Variants in TMEM178B observed in about 807,000 individuals in gnomAD.
TMEM178B encodes transmembrane protein 178B.
A neutral mutation model predicts 31.0 loss-of-function variants in TMEM178B; 5 were observed. The observed-to-expected ratio is 0.16, with a 90% CI of 0.08 to 0.34. The LOEUF (loss-of-function observed/expected upper bound fraction) is 0.34. Among genes scored for constraint, TMEM178B ranks in the 10% least tolerant of loss-of-function variants. The pLI is 1.00. For missense variants in TMEM178B, 275 were observed against 400.3 expected (o/e 0.69, Z 2.67); for synonymous variants, 164 against 164.0 (o/e 1.00, Z 0.00).
chr7:141,500,181 A>T, the TMEM178B span, among the ~76,000 whole-genome samples: 1 of 152,250 alleles, frequency 6.6e-6, no homozygotes, highest in Non-Finnish European at 1.5e-5. Flanking sequence ...ACCATCAATT[A>T]TGTGGCAGGC....
At chr7:141,098,231 TAG>T (rs1794997691) in intron 1 of TMEM178B, among the ~76,000 whole-genome samples, 1 of 152,230 alleles carries the variant, frequency 6.6e-6, no homozygotes, top group African/African-American at 2.4e-5. Context: ...CACTTGATGT[TAG>T]AGTCTGTGCC....
In TMEM178B at chr7:141,344,567, CCCT is replaced by C. The variant is rs1207263927; in HGVS notation, c.497-93035_497-93033del. On this transcript the variant is annotated intron_variant, in intron 2 of 3. Coordinates refer to ENST00000565468, the MANE Select transcript of TMEM178B (RefSeq NM_001195278.2). This position sits in a 1 kb window ranked among gnomAD's most constrained non-coding sequence, Gnocchi z 4.1. ...TTTCTCCCTCCCTCCCTCCATTCCT[CCCT>C]CCTCCCTTCCTTCCTTCCTTCCTTC... 6.9e-6 allele frequency among the ~76,000 whole-genome samples: 1 copy of C among 145,030 alleles called. No homozygotes were observed. The highest frequency in any genetic ancestry group is 2.6e-5 in the African/African-American group (1 of 38,896).
rs545876934 is a variant in TMEM178B at position 141,465,312 on chromosome 7, A to G, written c.635-5224A>G. ...TGCAGTTCCCGTGCTGTAATTAGAC[A>G]TCTTTTAATTAGACATCTTTTCCAG... On this transcript the variant is annotated intron_variant, in intron 3 of 3. Transcript: ENST00000565468. Among the ~76,000 whole-genome samples, 11 of 152,118 alleles carry G rather than the reference A, an allele frequency of 7.2e-5. No homozygotes were observed. The South Asian group carries it at 2.3e-3, about 32-fold the overall frequency.
intron 2 of TMEM178B, among the ~76,000 whole-genome samples, chr7:141,384,109 C>T (rs1367625302): frequency 1.2e-4 from 19 of 152,104 alleles, no homozygotes; most frequent in African/African-American, 3.9e-4. Flanking sequence ...TTGTAGATTC[C>T]GGATATTAGC....
chr7:141,440,206 G>A (rs573588891), intron 3 of TMEM178B, among the ~76,000 whole-genome samples: 98 of 152,342 alleles, frequency 6.4e-4, no homozygotes, highest in Non-Finnish European at 1.2e-3. Flanking sequence ...GGGCTCTGGG[G>A]AAGACCTCTG....
intron 2 of TMEM178B, among the ~76,000 whole-genome samples, chr7:141,297,407 GC>G (rs1241716842): frequency 1.3e-5 from 2 of 152,064 alleles, no homozygotes; most frequent in Non-Finnish European, 2.9e-5. Context: ...TGCACAACGT[GC>G]AGGTCTGTTA....
chr7:141,170,519 G>A (rs1444330908), intron 1 of TMEM178B, among the ~76,000 whole-genome samples: 4 of 152,134 alleles, frequency 2.6e-5, no homozygotes, highest in South Asian at 4.2e-4. Flanking sequence ...GTTGTTTCTC[G>A]TTGTTATAAG....
intron 2 of TMEM178B, among the ~76,000 whole-genome samples, chr7:141,313,536 A>G (rs1043825949): frequency 6.6e-6 from 1 of 152,226 alleles, no homozygotes; most frequent in African/African-American, 2.4e-5. Flanking sequence ...TCTTTTGAGG[A>G]AACTTTGCAG....
intron 2 of TMEM178B, among the ~76,000 whole-genome samples, chr7:141,379,199 G>T (rs1186351027): frequency 6.6e-6 from 1 of 151,984 alleles, no homozygotes; most frequent in Non-Finnish European, 1.5e-5. Context: ...GGGCACAATG[G>T]CTCATGCCTG....
At chr7:141,191,306 A>T (rs1250330651) in intron 1 of TMEM178B, among the ~76,000 whole-genome samples, 27 of 152,236 alleles carry the variant, frequency 1.8e-4, no homozygotes, top group Admixed American at 1.8e-3. Context: ...CAAAGTGGCA[A>T]TGAATAACCT....
Position 141,474,436 on chromosome 7 carries a change from T to C in TMEM178B, c.*3650T>C, listed in dbSNP as rs1448522545. 3 of 152,186 alleles carry C rather than the reference T, an allele frequency of 2.0e-5. No individual in the cohort carries two copies. The highest frequency in any genetic ancestry group is 7.2e-5 in the African/African-American group (3 of 41,450). 9.4% of individuals were successfully genotyped at this position (152,186 alleles called of 1,614,324 possible). ...TAGGTTTTATAAGGAGGTCTGTGGCTCCCTGGCATCAAAATATGAAAAATA... is the reference window on the plus strand; with the variant it reads ...TAGGTTTTATAAGGAGGTCTGTGGCCCCCTGGCATCAAAATATGAAAAATA... On this transcript the variant is annotated 3_prime_UTR_variant, in exon 4 of 4. Transcript: ENST00000565468.
chr7:141,153,702 A>G (rs1796017046), intron 1 of TMEM178B, among the ~76,000 whole-genome samples: 1 of 152,146 alleles, frequency 6.6e-6, no homozygotes, highest in Admixed American at 6.5e-5. Context: ...GACACTTTTT[A>G]TATGTATTGG....
At chr7:141,381,592 A>C (rs1800316225) in intron 2 of TMEM178B, among the ~76,000 whole-genome samples, 1 of 152,214 alleles carries the variant, frequency 6.6e-6, no homozygotes, top group Non-Finnish European at 1.5e-5. Flanking sequence ...TTAGGACATA[A>C]GGAGTCTCAA....
At chr7:141,239,621 T>A (rs938285558) in intron 2 of TMEM178B, among the ~76,000 whole-genome samples, 7 of 151,480 alleles carry the variant, frequency 4.6e-5, no homozygotes, top group Non-Finnish European at 1.0e-4. Flanking sequence ...TGAAGTGGGA[T>A]CTTGGTGGCA....
chr7:141,290,622 A>G (rs1798530127), intron 2 of TMEM178B, among the ~76,000 whole-genome samples: 1 of 152,202 alleles, frequency 6.6e-6, no homozygotes, highest in Non-Finnish European at 1.5e-5. Flanking sequence ...CGTGCTTTAA[A>G]TAATACATCA....
At chr7:141,152,317 T>C (rs572062205) in intron 1 of TMEM178B, among the ~76,000 whole-genome samples, 2 of 152,238 alleles carry the variant, frequency 1.3e-5, no homozygotes, top group East Asian at 3.9e-4. Flanking sequence ...AGGGAGGCCC[T>C]TCTTGGTGGC....
intron 1 of TMEM178B, among the ~76,000 whole-genome samples, chr7:141,208,062 A>T (rs980609238): frequency 6.6e-6 from 1 of 152,104 alleles, no homozygotes; most frequent in East Asian, 1.9e-4. Context: ...ACATGGTGGC[A>T]TGTGCCTGTA....
chr7:141,356,653 G>A (rs543519429), intron 2 of TMEM178B, among the ~76,000 whole-genome samples: 6 of 151,198 alleles, frequency 4.0e-5, no homozygotes, highest in African/African-American at 1.2e-4. Context: ...GGGTTGGGCG[G>A]GGGGGTGGTC....
intron 3 of TMEM178B, among the ~76,000 whole-genome samples, chr7:141,460,569 A>C (rs114050386): frequency 1.0e-3 from 157 of 152,340 alleles, no homozygotes; most frequent in African/African-American, 3.6e-3. Context: ...AGGTTCTAGG[A>C]TAGGAATCTG....
Sources: allele counts gnomAD v4.1 joint callset (sites outside exome capture counted in the v4.1 genomes callset), GRCh38; gene constraint gnomAD v4.1.1; non-coding constraint Gnocchi (gnomAD v3.1); transcripts MANE v1.5; gene names NCBI Gene and HGNC (gene_info 2026-07-23, HGNC 2026-07-21).